CSMD1: variants seen among roughly 807,000 people sequenced by gnomAD.
CSMD1 encodes the protein CUB and Sushi multiple domains 1.
In CSMD1, 213 loss-of-function variants were observed where a neutral mutation model predicts 417.5. That is an observed-to-expected ratio of 0.51 (90% CI 0.46 to 0.57). The LOEUF is 0.57. Ranked by LOEUF, CSMD1 falls within the 20% of genes least tolerant of loss-of-function variation. The pLI is 0.00. For synonymous variants in CSMD1, 2,862 were observed against 1,736.8 expected, an observed-to-expected ratio of 1.65 and a Z score of -16.11; for missense variants, 6,923 against 4,529.7, an observed-to-expected ratio of 1.53 and a Z score of -15.17.
At chr8:3,756,147 G>C (rs745343562) in intron 5 of CSMD1, among the ~76,000 whole-genome samples, 1 of 151,916 alleles carries the variant, frequency 6.6e-6, no homozygotes, top group Non-Finnish European at 1.5e-5. Context: ...AAGAGGTCAG[G>C]AGATCGAGAC....
chr8:2,984,541 G>A (rs980828332), intron 54 of CSMD1, among the ~76,000 whole-genome samples: 6 of 152,136 alleles, frequency 3.9e-5, no homozygotes, highest in African/African-American at 1.4e-4. Context: ...TACAGACAGG[G>A]TTTCACCATA....
intron 23 of CSMD1, among the ~76,000 whole-genome samples, chr8:3,320,870 A>C (rs984699821): frequency 6.6e-6 from 1 of 152,192 alleles, no homozygotes; most frequent in Non-Finnish European, 1.5e-5. Flanking sequence ...TGCTTGCCGC[A>C]CACTTTTGCC....
At chr8:4,876,358 T>C (rs1182797039) in intron 1 of CSMD1, among the ~76,000 whole-genome samples, 1 of 152,040 alleles carries the variant, frequency 6.6e-6, no homozygotes, top group Admixed American at 6.5e-5. Flanking sequence ...CAAACAATTG[T>C]GAAAAAATGC....
At chr8:3,823,479 T>C (rs1444701925) in intron 5 of CSMD1, among the ~76,000 whole-genome samples, 1 of 152,202 alleles carries the variant, frequency 6.6e-6, no homozygotes, top group Non-Finnish European at 1.5e-5. Flanking sequence ...AACGAATGTA[T>C]TTTTGAACCA....
At chr8:4,594,809 T>C (rs531880637) in intron 2 of CSMD1, among the ~76,000 whole-genome samples, 207 of 152,296 alleles carry the variant, frequency 1.4e-3, no homozygotes, top group African/African-American at 4.6e-3. Context: ...TTTCTGATGT[T>C]ACCCCCACCT....
chr8:3,886,013 GTACATATATATACA>G (rs1806540089), intron 5 of CSMD1, among the ~76,000 whole-genome samples: 2 of 151,518 alleles, frequency 1.3e-5, no homozygotes, highest in African/African-American at 4.9e-5. Context: ...ATATATATGT[GTACATATATATACA>G]TACATATATA....
Position 4,481,273 on chromosome 8 carries a change from T to A in CSMD1, c.303-61208A>T, listed in dbSNP as rs140197388. Among the ~76,000 whole-genome samples the A allele has an allele frequency of 4.1e-3, 622 of 152,386 alleles. 4 individuals are homozygous for A. Among genetic ancestry groups the A allele is most frequent in the Middle Eastern group, 6.8e-3 (2 of 294 alleles). On this transcript the variant is annotated intron_variant, in intron 2 of 69. Transcript: ENST00000635120. ...TACGTGCCCATGCACATTTTCCTGC[T>A]GTGCCAGCCCTATCACACTGACCCT...
At chr8:4,788,218 A>T (rs1797512447) in intron 1 of CSMD1, 1 of 1,585,868 alleles carries the variant, frequency 6.3e-7, no homozygotes. Flanking sequence ...ACATCTGCGC[A>T]TAAAGGACCA....
chr8:3,887,621 T>C (rs1462762927), intron 5 of CSMD1, among the ~76,000 whole-genome samples: 1 of 152,178 alleles, frequency 6.6e-6, no homozygotes, highest in East Asian at 1.9e-4. Flanking sequence ...AATTCTAATA[T>C]AAATAGAGAG....
chr8:3,155,358 G>GTTTTTTTTTTTTTTT (rs763097673), intron 39 of CSMD1, among the ~76,000 whole-genome samples: 2 of 48,094 alleles, frequency 4.2e-5, no homozygotes, highest in African/African-American at 6.3e-5. Flanking sequence ...TCAAGGCTGG[G>GTTTTTTTTTTTTTTT]ATTTTTTTTT....
At chr8:3,758,218 C>A (rs896880763) in intron 5 of CSMD1, among the ~76,000 whole-genome samples, 1 of 152,208 alleles carries the variant, frequency 6.6e-6, no homozygotes, top group African/African-American at 2.4e-5. Context: ...ACCCCATCAT[C>A]TTCCCAGAGT....
rs71959801 is a variant in CSMD1 at position 3,556,404 on chromosome 8, T to TAC, written c.1344+18540_1344+18541insGT. On this transcript the variant is annotated intron_variant, in intron 10 of 69. Transcript: ENST00000635120. ...ATTTATAATAATTAATATATATATA[T>TAC]ATATATATATTCACACACACAAAGA... Among the ~76,000 whole-genome samples, 971 of 140,764 alleles carry TAC rather than the reference T, an allele frequency of 6.9e-3. 44 individuals are homozygous for TAC. Among genetic ancestry groups the TAC allele is most frequent in the African/African-American group, 0.025 (921 of 36,630 alleles). 92.3% of individuals were successfully genotyped at this position (140,764 alleles called of 152,430 possible).
chr8:3,655,468 A>G (rs1312568994), intron 7 of CSMD1, among the ~76,000 whole-genome samples: 1 of 152,188 alleles, frequency 6.6e-6, no homozygotes, highest in African/African-American at 2.4e-5. Context: ...TTATAATGAC[A>G]AACAATAGTA....
At chr8:3,457,238 T>A (rs1198694943) in intron 12 of CSMD1, among the ~76,000 whole-genome samples, 4 of 151,846 alleles carry the variant, frequency 2.6e-5, no homozygotes, top group Non-Finnish European at 4.4e-5. Context: ...GCACCTCTCA[T>A]CCTGGACTCG....
intron 49 of CSMD1, among the ~76,000 whole-genome samples, chr8:3,075,328 G>T (rs187168861): frequency 6.8e-6 from 1 of 147,702 alleles, no homozygotes; most frequent in African/African-American, 2.5e-5. Flanking sequence ...CCAGGCTGCA[G>T]TGGAGTGCAA....
chr8:2,955,845 A>G (rs1380422327), intron 63 of CSMD1, 77 bp from the exon 64 acceptor site: 8 of 1,347,510 alleles, frequency 5.9e-6, no homozygotes, highest in African/African-American at 2.9e-5. Flanking sequence ...TTAATAGATT[A>G]AAATAGTTTG....
intron 1 of CSMD1, among the ~76,000 whole-genome samples, chr8:4,943,681 A>G (rs1386615304): frequency 6.6e-6 from 1 of 152,206 alleles, no homozygotes. Context: ...TGCAGACTGA[A>G]TCACATATCT....
At chr8:3,866,984 T>G (rs1805148894) in intron 5 of CSMD1, among the ~76,000 whole-genome samples, 1 of 152,210 alleles carries the variant, frequency 6.6e-6, no homozygotes, top group South Asian at 2.1e-4. Flanking sequence ...GCTTATACCA[T>G]AAAAGTGGTG....
chr8:4,055,532 T>C (rs180766768), intron 3 of CSMD1, among the ~76,000 whole-genome samples: 8 of 140,958 alleles, frequency 5.7e-5, no homozygotes, highest in African/African-American at 3.1e-5. Context: ...AATTTAATAA[T>C]GTCAAGAATT....
Sources: gnomAD v4.1 joint callset for allele counts (sites outside exome capture counted in the v4.1 genomes callset) on GRCh38, gnomAD v4.1.1 for gene constraint, MANE v1.5 for transcripts, NCBI Gene and HGNC (gene_info 2026-07-23, HGNC 2026-07-21) for gene names.